The following B4GALT3 variants were observed in gnomAD, a reference collection of about 807,000 sequenced individuals.
B4GALT3 encodes the protein beta-1,4-galactosyltransferase 3.
B4GALT3 carries 29 observed loss-of-function variants against 40.7 expected under a neutral mutation model. The observed-to-expected ratio is 0.71, with a 90% confidence interval of 0.53 to 0.97. The LOEUF (loss-of-function observed/expected upper bound fraction) is 0.97, where lower values mean the gene tolerates loss of function less well. B4GALT3 is among the 50% of genes least tolerant of loss of function. B4GALT3 has a pLI of 0.00. For missense variants in B4GALT3, 390 were observed against 522.3 expected (o/e 0.75, Z 2.47); for synonymous variants, 182 against 203.9 (o/e 0.89, Z 0.92).
chr1:161,174,501 A>ATTT (rs1195074744), intron 4 of B4GALT3, among the ~76,000 whole-genome samples: 2 of 152,108 alleles, frequency 1.3e-5, no homozygotes, highest in Non-Finnish European at 2.9e-5. Context: ...TATCTTTTTC[A>ATTT]TTTTTCCACT....
At chr1:161,176,312 CCCA>C (rs906462624) in intron 2 of B4GALT3, 119 bp downstream of exon 2, 1 of 574,436 alleles carries the variant, frequency 1.7e-6, no homozygotes, top group African/African-American at 1.9e-5. Context: ...CCAAACCACT[CCCA>C]CCATCTACTG....
At position 161,173,615 on chromosome 1, in the gene B4GALT3, T is replaced by C; in HGVS notation, c.793A>G (p.Ile265Val). 1 of 1,613,986 alleles carries C rather than the reference T, an allele frequency of 6.2e-7. No homozygotes were observed. Residue 265 changes from isoleucine to valine, a missense_variant, in exon 6 of 8, where the codon ATT becomes GTT. By Grantham distance (29) the Ile-to-Val change is conservative. Transcript: ENST00000319769. ...GGCAGGAAGTCTGACCTGGTAGCAA[T>C]GTCGTCATCCTCACCACCCCAGCCC... ...YWGWGGEDDDIATRVRLAGMK... is the reference protein window; with the variant it reads ...YWGWGGEDDDVATRVRLAGMK...
At position 161,172,186 on chromosome 1, in the gene B4GALT3, G is replaced by A. The variant is rs775005640; in HGVS notation, c.908+41C>T. The A allele has an allele frequency of 1.9e-6, 3 of 1,612,376 alleles. No individual in the cohort carries two copies. The East Asian group carries it at 6.7e-5, about 36-fold the overall frequency. On this transcript the variant is annotated intron_variant, in intron 7 of 7. Transcript: ENST00000319769. ...CTGGCTAGGGGTACAGAACCCTGAG[G>A]ATCCAGTAACAATTCCCAGGCAGTC...
Position 161,173,790 on chromosome 1 carries a change from C to T in B4GALT3, c.681-63G>A, listed in dbSNP as rs866660672. 3.2e-5 allele frequency: 52 copies of T among 1,610,828 alleles called. 1 individual carries two copies. In the African/African-American group the frequency reaches 5.2e-4, roughly 16 times the overall value. ...TGGGGACACATCCCCAACCACAATC[C>T]GCTTGGCTCTCCTCCTTCCACAGGA... On this transcript the variant is annotated intron_variant, in intron 5 of 7. Coordinates refer to ENST00000319769, the MANE Select transcript of B4GALT3 (RefSeq NM_003779.4).
chr1:161,173,608 G>C lies in B4GALT3; in HGVS notation c.800C>G (p.Thr267Ser), dbSNP rs138668267. 6.2e-7 allele frequency: 1 copy of C among 1,613,934 alleles called. No homozygotes were observed. Among genetic ancestry groups the C allele is most frequent in the East Asian group, 2.2e-5 (1 of 44,886 alleles). The change falls in exon 6 of 8, where the codon ACC becomes AGC. Residue 267 changes from threonine (T) to serine (S), a missense_variant. Around this residue, in one of 3 missense-constraint regions of B4GALT3, gnomAD observed 135 missense variants for 227.8 expected, o/e 0.59. Coordinates refer to ENST00000319769, the MANE Select transcript of B4GALT3 (RefSeq NM_003779.4). The stretch of plus-strand genomic sequence containing the variant: ...AGGAAGTGGCAGGAAGTCTGACCTG[G>C]TAGCAATGTCGTCATCCTCACCACC... The part of the protein sequence containing the change: ...GWGGEDDDIA[T>S]RVRLAGMKIS...
At chr1:161,172,382 G>A in intron 6 of B4GALT3, 51 bp from the exon 7 acceptor site, 1 of 1,511,586 alleles carries the variant, frequency 6.6e-7, no homozygotes, top group African/African-American at 1.4e-5. Context: ...AGAAAAGCAA[G>A]GAAGGGATTA....
In B4GALT3 at chr1:161,174,936, G is replaced by A. The variant is rs1280320437; in HGVS notation, c.489+57C>T. 9 of 1,553,260 alleles carry A rather than the reference G, an allele frequency of 5.8e-6. No homozygotes were observed. The Admixed American group carries it at 6.8e-5, about 12-fold the overall frequency. On this transcript the variant is annotated intron_variant, in intron 4 of 7. Transcript: ENST00000319769. ...CATTTAGATGAAAGTGAAGTGGCAT[G>A]TGCTTGAGGCTTCCTTAGAAGAAAG...
Position 161,175,834 on chromosome 1 carries a change from T to C in B4GALT3, c.227A>G (p.Tyr76Cys), listed in dbSNP as rs1332600033. ...GGPPAPQGLP[Y>C]CPERSPLLVG... Reference sequence around the variant, plus strand: ...TAAGAGAGGAGATCGTTCTGGACAGTAGGGCAGACCTTGAGGAGCTGGAGG... The same window carrying C: ...TAAGAGAGGAGATCGTTCTGGACAGCAGGGCAGACCTTGAGGAGCTGGAGG... The change falls in exon 3 of 8, where the codon TAC (tyrosine) becomes TGC (cysteine). Residue 76 changes from tyrosine to cysteine, a missense_variant. Around this residue, in one of 3 missense-constraint regions of B4GALT3, gnomAD observed 183 missense variants for 223.2 expected, o/e 0.82. Transcript: ENST00000319769. 3.7e-6 allele frequency: 6 copies of C among 1,614,106 alleles called. No individual in the cohort carries two copies. Among genetic ancestry groups the C allele is most frequent in the Non-Finnish European group, 5.1e-6 (6 of 1,180,010 alleles).
chr1:161,175,701 A>G, intron 3 of B4GALT3, 107 bp downstream of exon 3: 12 of 1,498,200 alleles, frequency 8.0e-6, no homozygotes, highest in Non-Finnish European at 1.0e-5. Context: ...CAGCCTACCT[A>G]TCCTCTTCTA....
At position 161,171,840 on chromosome 1, in the gene B4GALT3, G is replaced by A. The variant is rs1469090630; in HGVS notation, c.1158C>T (p.His386=). ...GTCAGTGTGAACCTCGGAGGGCTGTGTGGTTGGCAGTAGATAGAGGCCCAG... is the reference window on the plus strand; with the variant it reads ...GTCAGTGTGAACCTCGGAGGGCTGTATGGTTGGCAGTAGATAGAGGCCCAG... The part of the protein sequence containing the change: ...ARPGPLSTAN[H]TALRGSH Residue 386 remains histidine, a synonymous_variant, in exon 8 of 8, where the codon CAC becomes CAT. Coordinates refer to ENST00000319769, the MANE Select transcript of B4GALT3 (RefSeq NM_003779.4). 2 of 1,614,038 alleles carry A rather than the reference G, an allele frequency of 1.2e-6. No individual in the cohort carries two copies. The highest frequency in any genetic ancestry group is 1.7e-6 in the Non-Finnish European group (2 of 1,180,038).
chr1:161,172,469 C>G (rs1571452034), intron 6 of B4GALT3, 138 bp from the exon 7 acceptor site: 1 of 711,168 alleles, frequency 1.4e-6, no homozygotes, highest in East Asian at 2.8e-5. Context: ...AGAAGTCAAA[C>G]AGAAAGAAGG....
At chr1:161,176,118 C>T (rs1173074078) in intron 2 of B4GALT3, 44 bp from the exon 3 acceptor site, 21 of 1,600,212 alleles carry the variant, frequency 1.3e-5, no homozygotes, top group Non-Finnish European at 1.8e-5. Flanking sequence ...AGGAAGAGAG[C>T]AAGCCAGCAG....
Position 161,176,064 on chromosome 1 carries a change from G to A in B4GALT3, c.-4C>T, listed in dbSNP as rs745810196. On this transcript the variant is annotated 5_prime_UTR_variant, in exon 3 of 8. Transcript: ENST00000319769. ...GCTCCAGCAGCCTCCGCAACATCCT[G>A]GGGGTGAGATCTAGGGAGGGAGAGG... The A allele has an allele frequency of 1.2e-6, 2 of 1,613,924 alleles. No homozygotes were observed. The highest frequency in any genetic ancestry group is 1.7e-6 in the Non-Finnish European group (2 of 1,179,932).
intron 6 of B4GALT3, among the ~76,000 whole-genome samples, chr1:161,173,402 T>C (rs988602691): frequency 1.3e-5 from 2 of 152,098 alleles, no homozygotes; most frequent in African/African-American, 4.8e-5. Context: ...AAGAACAAAC[T>C]AACCAGGAGA....
At chr1:161,175,313 G>A (rs1028352652) in intron 3 of B4GALT3, 85 bp from the exon 4 acceptor site, 1 of 1,218,308 alleles carries the variant, frequency 8.2e-7, no homozygotes, top group Non-Finnish European at 1.2e-6. Flanking sequence ...CTCTGACACT[G>A]GCAGTCTGGT....
chr1:161,171,457 T>C lies in B4GALT3; in HGVS notation c.*359A>G. 3 of 591,918 alleles carry C rather than the reference T, an allele frequency of 5.1e-6. No homozygotes were observed. The highest frequency in any genetic ancestry group is 5.9e-6 in the Non-Finnish European group (2 of 339,622). 36.7% of individuals were successfully genotyped at this position (591,918 alleles called of 1,614,324 possible). On this transcript the variant is annotated 3_prime_UTR_variant, in exon 8 of 8. Transcript: ENST00000319769. The stretch of plus-strand genomic sequence containing the variant: ...AACTTCCCGGGAACCATAAATAGAA[T>C]AAATATTCACAGAGGTCCGAGGAGA...
At chr1:161,177,008 G>A in intron 1 of B4GALT3, 1 of 1,535,964 alleles carries the variant, frequency 6.5e-7, no homozygotes, top group East Asian at 2.4e-5. Flanking sequence ...GGCTGTAAGC[G>A]AACAGCCCCG....
chr1:161,173,009 G>A (rs994954798), intron 6 of B4GALT3, among the ~76,000 whole-genome samples: 3 of 152,174 alleles, frequency 2.0e-5, no homozygotes, highest in Admixed American at 1.3e-4. Context: ...GAATACTTAT[G>A]TATATTTACA....
intron 1 of B4GALT3, chr1:161,177,139 G>C: frequency 6.8e-7 from 1 of 1,462,822 alleles, no homozygotes; most frequent in Non-Finnish European, 9.2e-7. Context: ...AGCAGGGGCA[G>C]AGACAGTCAG....
Sources: allele counts gnomAD v4.1 joint callset (sites outside exome capture counted in the v4.1 genomes callset), GRCh38; gene constraint gnomAD v4.1.1; regional missense constraint gnomAD v4.1.1; transcripts MANE v1.5; gene names NCBI Gene and HGNC (gene_info 2026-07-23, HGNC 2026-07-21).